Variants in PLPPR1 observed in about 807,000 individuals in gnomAD.
PLPPR1 encodes phospholipid phosphatase related 1.
In PLPPR1, 10 loss-of-function variants were observed where a neutral mutation model predicts 33.1. That is an observed-to-expected ratio of 0.30 (90% CI 0.19 to 0.51). The LOEUF (loss-of-function observed/expected upper bound fraction) is 0.51. Ranked by LOEUF, PLPPR1 falls within the 20% of genes least tolerant of loss-of-function variation. The probability of loss-of-function intolerance (pLI) is 0.97; values close to 1 mark genes in which losing one functional copy is unlikely to be tolerated. For synonymous variants in PLPPR1, 151 were observed against 151.0 expected, an observed-to-expected ratio of 1.00 and a Z score of 0.00; for missense variants, 304 against 408.1, an observed-to-expected ratio of 0.74 and a Z score of 2.20.
chr9:101,198,605 G>A lies in PLPPR1; in HGVS notation c.63+13048G>A, dbSNP rs117237316. On this transcript the variant is annotated intron_variant, in intron 2 of 7. Transcript: ENST00000374874. Reference sequence around the variant, plus strand: ...AGGTGGAGCCTTCAAGATTAGGAGAGCCTAGGGTCTGCAAAGATCCTACAG... The same window carrying A: ...AGGTGGAGCCTTCAAGATTAGGAGAACCTAGGGTCTGCAAAGATCCTACAG... 4.8e-3 allele frequency among the ~76,000 whole-genome samples: 726 copies of A among 152,264 alleles called. 3 individuals carry two copies. Among genetic ancestry groups the A allele is most frequent in the Non-Finnish European group, 5.7e-3 (389 of 68,024 alleles).
chr9:101,045,506 T>C (rs1830133262), intron 1 of PLPPR1, among the ~76,000 whole-genome samples: 1 of 152,210 alleles, frequency 6.6e-6, no homozygotes, highest in South Asian at 2.1e-4. Context: ...AGATGCCTAA[T>C]TGGCAATAGG....
chr9:101,092,614 G>A (rs1456462092), intron 1 of PLPPR1, among the ~76,000 whole-genome samples: 1 of 152,106 alleles, frequency 6.6e-6, no homozygotes, highest in East Asian at 1.9e-4. Context: ...TCGTGCTGCA[G>A]GAACATTGCA....
At position 101,110,960 on chromosome 9, in the gene PLPPR1, C is replaced by T. The variant is rs528619772; in HGVS notation, c.-45-74490C>T. 7.2e-5 allele frequency among the ~76,000 whole-genome samples: 11 copies of T among 152,002 alleles called. No homozygotes were observed. The South Asian group carries it at 2.3e-3, about 32-fold the overall frequency. ...ATGTTCTTTTTGCCTTGCTAATAAT[C>T]GTGAAGAATTGGGAGCAATATAAGT... On this transcript the variant is annotated intron_variant, in intron 1 of 7. Coordinates refer to ENST00000374874, the MANE Select transcript of PLPPR1 (RefSeq NM_207299.2).
At position 101,199,129 on chromosome 9, in the gene PLPPR1, A is replaced by G. The variant is rs145182233; in HGVS notation, c.63+13572A>G. Among the ~76,000 whole-genome samples the G allele has an allele frequency of 3.6e-3, 552 of 152,300 alleles. 3 individuals are homozygous for G. The highest frequency in any genetic ancestry group is 0.013 in the African/African-American group (531 of 41,564). ...AGAATATCTTTCTCACAGGGGAACAAGTGTCATGGCCCCAGTGCTCTCACT... is the reference window on the plus strand; with the variant it reads ...AGAATATCTTTCTCACAGGGGAACAGGTGTCATGGCCCCAGTGCTCTCACT... On this transcript the variant is annotated intron_variant, in intron 2 of 7. Coordinates refer to ENST00000374874, the MANE Select transcript of PLPPR1 (RefSeq NM_207299.2).
intron 1 of PLPPR1, among the ~76,000 whole-genome samples, chr9:101,039,547 G>A (rs1385127994): frequency 6.6e-6 from 1 of 152,070 alleles, no homozygotes; most frequent in African/African-American, 2.4e-5. Context: ...CTTACCTTCT[G>A]TATTAGTCCA....
At chr9:101,251,451 C>T (rs1286247422) in intron 2 of PLPPR1, among the ~76,000 whole-genome samples, 1 of 152,036 alleles carries the variant, frequency 6.6e-6, no homozygotes, top group East Asian at 1.9e-4. Flanking sequence ...AACCATTGTA[C>T]CAAATCTGAT....
At chr9:101,293,654 A>G (rs1408603092) in intron 4 of PLPPR1, among the ~76,000 whole-genome samples, 1 of 151,112 alleles carries the variant, frequency 6.6e-6, no homozygotes, top group Non-Finnish European at 1.5e-5. Context: ...GAAACTCACT[A>G]AAAACCACTC....
At chr9:101,109,281 A>T (rs1430025529) in intron 1 of PLPPR1, among the ~76,000 whole-genome samples, 2 of 151,680 alleles carry the variant, frequency 1.3e-5, no homozygotes, top group African/African-American at 4.8e-5. Flanking sequence ...ACTGGTCCTC[A>T]GTATTTTTGA....
intron 4 of PLPPR1, among the ~76,000 whole-genome samples, chr9:101,287,019 T>TCAA (rs151085019): frequency 0.097 from 14,755 of 152,168 alleles, 1,007 homozygotes; most frequent in African/African-American, 0.19. Flanking sequence ...CAGCATGCTG[T>TCAA]CAAGCCTTTT....
intron 1 of PLPPR1, among the ~76,000 whole-genome samples, chr9:101,036,643 T>C (rs1174032276): frequency 7.5e-6 from 1 of 133,366 alleles, no homozygotes; most frequent in Non-Finnish European, 1.5e-5. Flanking sequence ...AGATTTGAGG[T>C]CAGAAGGTAG....
chr9:101,237,816 C>CATAT (rs768518442), intron 2 of PLPPR1, among the ~76,000 whole-genome samples: 29 of 72,212 alleles, frequency 4.0e-4, no homozygotes, highest in African/African-American at 1.9e-3. Context: ...CCATTGTGTG[C>CATAT]ATATATATAT....
intron 1 of PLPPR1, among the ~76,000 whole-genome samples, chr9:101,154,657 G>A (rs936564938): frequency 4.6e-4 from 70 of 152,010 alleles, no homozygotes; most frequent in Non-Finnish European, 1.0e-4. Flanking sequence ...AAAGACACAT[G>A]CACACGTATG....
At chr9:101,292,620 G>C (rs1828534195) in intron 4 of PLPPR1, among the ~76,000 whole-genome samples, 1 of 141,886 alleles carries the variant, frequency 7.0e-6, no homozygotes, top group Non-Finnish European at 1.5e-5. Context: ...AGCCAGAAGA[G>C]AGTTGGGCGG....
intron 1 of PLPPR1, among the ~76,000 whole-genome samples, chr9:101,181,419 C>T (rs1826108047): frequency 6.6e-6 from 1 of 150,644 alleles, no homozygotes; most frequent in Admixed American, 6.6e-5. Context: ...CCTCAGAAAA[C>T]TAAGTATATA....
intron 2 of PLPPR1, among the ~76,000 whole-genome samples, chr9:101,245,349 A>T (rs778951899): frequency 1.3e-5 from 2 of 152,006 alleles, no homozygotes; most frequent in African/African-American, 2.4e-5. Context: ...AACATGACTG[A>T]TATACCATTT....
intron 2 of PLPPR1, among the ~76,000 whole-genome samples, chr9:101,230,379 G>T (rs186169169): frequency 3.3e-5 from 5 of 152,210 alleles, no homozygotes; most frequent in East Asian, 1.9e-4. Flanking sequence ...ACCCGTAAGG[G>T]CATAAACCCT....
At chr9:101,159,244 C>T (rs925304773) in intron 1 of PLPPR1, among the ~76,000 whole-genome samples, 1 of 152,242 alleles carries the variant, frequency 6.6e-6, no homozygotes, top group South Asian at 2.1e-4. Context: ...AGTCATCATC[C>T]TATAGTTGGT....
intron 3 of PLPPR1, among the ~76,000 whole-genome samples, chr9:101,272,588 C>T (rs1828120439): frequency 6.6e-6 from 1 of 151,980 alleles, no homozygotes; most frequent in African/African-American, 2.4e-5. Flanking sequence ...ATGTAAATAC[C>T]CTTAATACTT....
chr9:101,033,718 A>G (rs1186372067), intron 1 of PLPPR1, among the ~76,000 whole-genome samples: 6 of 152,156 alleles, frequency 3.9e-5, no homozygotes, highest in East Asian at 1.9e-4. Flanking sequence ...GTGGAATCCT[A>G]TTTAATCTTG....
Sources: allele counts gnomAD v4.1 joint callset (sites outside exome capture counted in the v4.1 genomes callset), GRCh38; gene constraint gnomAD v4.1.1; transcripts MANE v1.5; gene names NCBI Gene and HGNC (gene_info 2026-07-23, HGNC 2026-07-21).